Variants in RBMS3 observed in about 807,000 individuals in gnomAD.
The protein encoded by RBMS3 is RNA binding motif single stranded interacting protein 3, also known as RNA-binding motif, single-stranded-interacting protein 3.
Under a neutral mutation model 66.8 loss-of-function variants are expected in RBMS3, and 27 were observed. That is an observed-to-expected ratio of 0.40 (90% CI 0.30 to 0.56). The LOEUF is 0.56. RBMS3 is among the 20% of genes least tolerant of loss of function. The probability of loss-of-function intolerance (pLI) is 0.40; values close to 1 mark genes in which losing one functional copy is unlikely to be tolerated. For synonymous variants in RBMS3, 188 were observed against 183.0 expected (o/e 1.03, Z -0.22); for missense variants, 513 against 549.5 (o/e 0.93, Z 0.66).
chr3:29,573,676 TTA>T (rs2047015634), intron 3 of RBMS3, among the ~76,000 whole-genome samples: 1 of 152,140 alleles, frequency 6.6e-6, no homozygotes, highest in African/African-American at 2.4e-5. Flanking sequence ...GAATTTTTTC[TTA>T]TTTTTTGATG....
intron 3 of RBMS3, among the ~76,000 whole-genome samples, chr3:29,503,422 C>T (rs2044053738): frequency 6.6e-6 from 1 of 152,092 alleles, no homozygotes. Context: ...TATTCAAGCA[C>T]ATGCTTTATT....
chr3:29,498,421 A>G (rs1447965269), intron 3 of RBMS3, among the ~76,000 whole-genome samples: 27 of 152,208 alleles, frequency 1.8e-4, no homozygotes, highest in Non-Finnish European at 1.5e-5. Context: ...ATACTAATGT[A>G]TATTTAAAAT....
intron 2 of RBMS3, among the ~76,000 whole-genome samples, chr3:29,442,233 T>C (rs1029039106): frequency 3.9e-5 from 6 of 152,182 alleles, no homozygotes; most frequent in African/African-American, 1.4e-4. Context: ...GACTATAGTT[T>C]AGTGAACAAA....
chr3:29,721,893 T>C (rs377332618), intron 4 of RBMS3, among the ~76,000 whole-genome samples: 3 of 152,158 alleles, frequency 2.0e-5, no homozygotes, highest in East Asian at 3.8e-4. Flanking sequence ...TGTACACACC[T>C]AAGCAGAAAT....
intron 1 of RBMS3, among the ~76,000 whole-genome samples, chr3:29,393,045 A>C (rs367883176): frequency 6.6e-6 from 1 of 152,316 alleles, no homozygotes; most frequent in Non-Finnish European, 1.5e-5. Context: ...TTGCTTTAAC[A>C]ATGAGTAAAC....
intron 12 of RBMS3, among the ~76,000 whole-genome samples, chr3:29,978,922 C>G (rs550426846): frequency 6.6e-6 from 1 of 151,906 alleles, no homozygotes; most frequent in African/African-American, 2.4e-5. Flanking sequence ...ATACTTGAGG[C>G]CAGAAGTTCA....
intron 3 of RBMS3, among the ~76,000 whole-genome samples, chr3:29,498,404 A>C (rs1477772956): frequency 6.6e-6 from 1 of 152,138 alleles, no homozygotes; most frequent in Non-Finnish European, 1.5e-5. Flanking sequence ...TACATGGCAA[A>C]TTGTATATAC....
At chr3:29,699,278 T>A (rs1325313658) in intron 4 of RBMS3, among the ~76,000 whole-genome samples, 1 of 152,168 alleles carries the variant, frequency 6.6e-6, no homozygotes, top group Non-Finnish European at 1.5e-5. Context: ...GTCTCCGAAG[T>A]AGCTGGGACT....
chr3:29,340,829 C>T (rs936520541), intron 1 of RBMS3, among the ~76,000 whole-genome samples: 3 of 152,012 alleles, frequency 2.0e-5, no homozygotes, highest in Admixed American at 6.6e-5. Context: ...AAATAAAGTA[C>T]ATTTTATATT....
At chr3:29,774,990 A>C (rs1452387374) in intron 6 of RBMS3, among the ~76,000 whole-genome samples, 1 of 151,910 alleles carries the variant, frequency 6.6e-6, no homozygotes, top group African/African-American at 2.4e-5. Context: ...GGGATCTTCA[A>C]TAATTTTTCA....
At chr3:29,570,286 A>G (rs1031803466) in intron 3 of RBMS3, among the ~76,000 whole-genome samples, 3 of 152,116 alleles carry the variant, frequency 2.0e-5, no homozygotes, top group Non-Finnish European at 4.4e-5. Flanking sequence ...ATGGAAAATG[A>G]CGTATCCATG....
intron 10 of RBMS3, among the ~76,000 whole-genome samples, chr3:29,908,016 G>A (rs1401633843): frequency 6.6e-6 from 1 of 152,072 alleles, no homozygotes; most frequent in Admixed American, 6.6e-5. Flanking sequence ...GAGAGGCCAA[G>A]GCAGGCAGAT....
chr3:29,798,860 G>T (rs187489748), intron 6 of RBMS3, among the ~76,000 whole-genome samples: 15 of 150,754 alleles, frequency 9.9e-5, no homozygotes, highest in Non-Finnish European at 2.2e-4. Flanking sequence ...GCATCATTTG[G>T]ATCTTCGAGA....
Position 29,721,672 on chromosome 3 carries a change from TATG to T in RBMS3, c.400-18044_400-18042del, listed in dbSNP as rs571918269. Among the ~76,000 whole-genome samples the T allele has an allele frequency of 1.9e-4, 29 of 152,284 alleles. No homozygotes were observed. The East Asian group carries it at 5.6e-3, about 29-fold the overall frequency. On this transcript the variant is annotated intron_variant, in intron 4 of 14. Transcript: ENST00000383767. ...GGATGAGGTTGTAAACTCACAAAACTATGATGTTTCCAACTATTAATGAGGAAA... is the reference window on the plus strand; with the variant it reads ...GGATGAGGTTGTAAACTCACAAAACTATGTTTCCAACTATTAATGAGGAAA...
chr3:29,808,962 A>G (rs1356479450), intron 6 of RBMS3, among the ~76,000 whole-genome samples: 1 of 151,968 alleles, frequency 6.6e-6, no homozygotes, highest in Non-Finnish European at 1.5e-5. Flanking sequence ...AAAAACAGTC[A>G]GTGAGGAAAC....
intron 12 of RBMS3, among the ~76,000 whole-genome samples, chr3:29,981,227 CTCTG>C (rs1050630658): frequency 5.9e-5 from 9 of 151,996 alleles, no homozygotes; most frequent in Admixed American, 2.0e-4. Flanking sequence ...TGATTTGGCT[CTCTG>C]TCTATTATTG....
intron 10 of RBMS3, among the ~76,000 whole-genome samples, chr3:29,916,773 T>C (rs1333505317): frequency 6.6e-6 from 1 of 152,020 alleles, no homozygotes; most frequent in Admixed American, 6.6e-5. Flanking sequence ...AATTAAAGAT[T>C]CCTTAGGGGA....
chr3:29,905,895 C>T (rs1400052222), intron 10 of RBMS3, among the ~76,000 whole-genome samples: 1 of 152,016 alleles, frequency 6.6e-6, no homozygotes, highest in Non-Finnish European at 1.5e-5. Flanking sequence ...TAGGAAATGT[C>T]CACAATATTT....
chr3:29,847,652 T>TTTTTTTA (rs1553684884), intron 6 of RBMS3, among the ~76,000 whole-genome samples: 1 of 151,972 alleles, frequency 6.6e-6, no homozygotes, highest in Non-Finnish European at 1.5e-5. Context: ...TTTATTTTTT[T>TTTTTTTA]TTTTTTATTT....
Sources: gnomAD v4.1 joint callset for allele counts (sites outside exome capture counted in the v4.1 genomes callset) on GRCh38, gnomAD v4.1.1 for gene constraint, MANE v1.5 for transcripts, NCBI Gene and HGNC (gene_info 2026-07-23, HGNC 2026-07-21) for gene names.